CNTN5: variants seen among roughly 807,000 people sequenced by gnomAD.
The protein encoded by CNTN5 is contactin 5, also known as contactin-5.
A neutral mutation model predicts 129.1 loss-of-function variants in CNTN5; 77 were observed. That is an observed-to-expected ratio of 0.60 (90% CI 0.50 to 0.72). The LOEUF is 0.72. Ranked by LOEUF, CNTN5 falls within the 30% of genes least tolerant of loss-of-function variation. CNTN5 has a pLI of 0.00. For missense variants in CNTN5, 1,478 were observed against 1,328.8 expected (o/e 1.11, Z -1.75); for synonymous variants, 509 against 465.6 (o/e 1.09, Z -1.20).
chr11:99,985,440 C>G lies in CNTN5; in HGVS notation c.878-16594C>G, dbSNP rs77986296. 9.1e-3 allele frequency among the ~76,000 whole-genome samples: 1,391 copies of G among 152,228 alleles called. 22 individuals carry two copies. The highest frequency in any genetic ancestry group is 0.029 in the African/African-American group (1,204 of 41,540). On this transcript the variant is annotated intron_variant, in intron 8 of 24. Coordinates refer to ENST00000524871, the MANE Select transcript of CNTN5 (RefSeq NM_014361.4). ...TCTGAAGTCAAGTCACCTCTCTATCCTCTACTGACTGTGTCTGGGGTCTTT... is the reference window on the plus strand; with the variant it reads ...TCTGAAGTCAAGTCACCTCTCTATCGTCTACTGACTGTGTCTGGGGTCTTT...
intron 2 of CNTN5, among the ~76,000 whole-genome samples, chr11:99,387,324 A>T (rs530510544): frequency 6.6e-6 from 1 of 152,236 alleles, no homozygotes; most frequent in Non-Finnish European, 1.5e-5. Flanking sequence ...GTAGTCACAC[A>T]CCCACAGATA....
intron 9 of CNTN5, among the ~76,000 whole-genome samples, chr11:100,026,070 C>T (rs1157911082): frequency 2.0e-5 from 3 of 152,056 alleles, no homozygotes; most frequent in Non-Finnish European, 4.4e-5. Context: ...CCCAAATCTC[C>T]TCTTTAATTG....
chr11:99,496,215 C>T (rs143327130), intron 2 of CNTN5, among the ~76,000 whole-genome samples: 1 of 152,170 alleles, frequency 6.6e-6, no homozygotes, highest in African/African-American at 2.4e-5. Context: ...TGAGGTCACA[C>T]TCTGTGAAGT....
At chr11:99,240,843 A>T (rs1409066202) in intron 1 of CNTN5, among the ~76,000 whole-genome samples, 1 of 152,206 alleles carries the variant, frequency 6.6e-6, no homozygotes, top group Non-Finnish European at 1.5e-5. Context: ...GATTTCTTTC[A>T]TGATAGCGTC....
intron 13 of CNTN5, 25 bp downstream of exon 13, chr11:100,074,319 G>A (rs757935735): frequency 6.4e-7 from 1 of 1,553,552 alleles, no homozygotes; most frequent in African/African-American, 1.4e-5. Flanking sequence ...TATAATTCAA[G>A]TTCAACATTA....
chr11:99,660,257 G>A (rs532995541), intron 3 of CNTN5, among the ~76,000 whole-genome samples: 70 of 152,164 alleles, frequency 4.6e-4, no homozygotes, highest in African/African-American at 1.5e-3. Context: ...TTGCTTATAT[G>A]TATGTAAACC....
intron 6 of CNTN5, among the ~76,000 whole-genome samples, chr11:99,847,539 G>C (rs911013817): frequency 4.6e-5 from 7 of 152,030 alleles, no homozygotes; most frequent in African/African-American, 1.5e-4. Flanking sequence ...GGCTACATAC[G>C]CATAAAAACC....
In CNTN5 at chr11:100,353,581, G is replaced by A. The variant is rs189470391; in HGVS notation, c.3200-2536G>A. 1.8e-4 allele frequency among the ~76,000 whole-genome samples: 27 copies of A among 151,710 alleles called. No individual in the cohort carries two copies. The East Asian group carries it at 5.2e-3, about 29-fold the overall frequency. Reference sequence around the variant, plus strand: ...GCCATTCCCAATAGCTAGAAAGGATGTGTTCTTGTTTTTTATTTATTAAGC... The same window carrying A: ...GCCATTCCCAATAGCTAGAAAGGATATGTTCTTGTTTTTTATTTATTAAGC... On this transcript the variant is annotated intron_variant, in intron 24 of 24. Transcript: ENST00000524871.
chr11:99,505,863 C>T (rs959094601), intron 2 of CNTN5, among the ~76,000 whole-genome samples: 1 of 152,166 alleles, frequency 6.6e-6, no homozygotes, highest in African/African-American at 2.4e-5. Flanking sequence ...AGCATTTTGC[C>T]AGGCTCCTGG....
intron 2 of CNTN5, among the ~76,000 whole-genome samples, chr11:99,521,718 C>T (rs1033829103): frequency 6.6e-6 from 1 of 152,204 alleles, no homozygotes; most frequent in African/African-American, 2.4e-5. Context: ...GTAGTTGACT[C>T]TGAGTGGCTA....
chr11:100,167,197 A>C (rs542911952), intron 13 of CNTN5, among the ~76,000 whole-genome samples: 62 of 151,976 alleles, frequency 4.1e-4, no homozygotes, highest in East Asian at 2.1e-3. Context: ...AACAAACAAA[A>C]AAAAATTAAA....
At chr11:99,624,729 A>C (rs1378624971) in intron 3 of CNTN5, among the ~76,000 whole-genome samples, 1 of 152,160 alleles carries the variant, frequency 6.6e-6, no homozygotes, top group Non-Finnish European at 1.5e-5. Context: ...CACGGTTATT[A>C]AGCTCTTGGC....
At chr11:99,151,247 T>A (rs1860038825) in intron 1 of CNTN5, among the ~76,000 whole-genome samples, 1 of 152,010 alleles carries the variant, frequency 6.6e-6, no homozygotes, top group African/African-American at 2.4e-5. Context: ...GAAAGATAGA[T>A]AGGTTAGGCA....
At chr11:100,284,453 C>A (rs1417726182) in intron 18 of CNTN5, among the ~76,000 whole-genome samples, 1 of 151,932 alleles carries the variant, frequency 6.6e-6, no homozygotes, top group African/African-American at 2.4e-5. Flanking sequence ...ATCATCAAAC[C>A]AATATATAAA....
intron 2 of CNTN5, among the ~76,000 whole-genome samples, chr11:99,451,516 T>G (rs1201732081): frequency 1.3e-5 from 2 of 152,134 alleles, no homozygotes; most frequent in Admixed American, 1.3e-4. Context: ...AAATGGAAAA[T>G]ATGTAGTATT....
At chr11:100,161,926 C>A (rs1947469201) in intron 13 of CNTN5, among the ~76,000 whole-genome samples, 1 of 151,170 alleles carries the variant, frequency 6.6e-6, no homozygotes, top group African/African-American at 2.4e-5. Flanking sequence ...GGTCTTGGAA[C>A]TGCTCAAATT....
intron 8 of CNTN5, among the ~76,000 whole-genome samples, chr11:99,978,132 A>G (rs1044918448): frequency 6.6e-6 from 1 of 152,210 alleles, no homozygotes; most frequent in Admixed American, 6.5e-5. Context: ...TTTATTTTTA[A>G]CAAAAGAATT....
chr11:100,151,979 T>C (rs1947075927), intron 13 of CNTN5, among the ~76,000 whole-genome samples: 1 of 152,178 alleles, frequency 6.6e-6, no homozygotes, highest in African/African-American at 2.4e-5. Flanking sequence ...TGATCCTATC[T>C]GCTAGTTTTT....
chr11:99,118,619 CAATT>C (rs896488803), intron 1 of CNTN5, among the ~76,000 whole-genome samples: 1 of 151,800 alleles, frequency 6.6e-6, no homozygotes, highest in Admixed American at 6.6e-5. Flanking sequence ...TGTATTAAAA[CAATT>C]AACGAAAACA....
Sources: allele counts gnomAD v4.1 joint callset (sites outside exome capture counted in the v4.1 genomes callset), GRCh38; gene constraint gnomAD v4.1.1; transcripts MANE v1.5; gene names NCBI Gene and HGNC (gene_info 2026-07-23, HGNC 2026-07-21).